YEATS2: variants seen among roughly 807,000 people sequenced by gnomAD.
YEATS2 encodes YEATS domain-containing protein 2.
A neutral mutation model predicts 163.2 loss-of-function variants in YEATS2; 77 were observed. The ratio of observed to expected loss-of-function variants is 0.47; its 90% CI spans 0.39 to 0.57. The LOEUF is 0.57. Among genes scored for constraint, YEATS2 ranks in the 20% least tolerant of loss-of-function variants. The pLI, the probability that YEATS2 is intolerant of heterozygous loss-of-function variation, is 0.00. For synonymous variants in YEATS2, 631 were observed against 645.1 expected (o/e 0.98, Z 0.33); for missense variants, 1,549 against 1,729.8 (o/e 0.90, Z 1.85).
At chr3:183,752,293 C>T (rs1169330870) in intron 10 of YEATS2, 40 bp downstream of exon 10, 5 of 1,609,248 alleles carry the variant, frequency 3.1e-6, no homozygotes, top group Non-Finnish European at 4.3e-6. Context: ...TGTTCTGAGG[C>T]ATTCCTTTCC....
At chr3:183,702,810 G>A (rs1186146728) in intron 1 of YEATS2, among the ~76,000 whole-genome samples, 1 of 150,934 alleles carries the variant, frequency 6.6e-6, no homozygotes, top group Non-Finnish European at 1.5e-5. Flanking sequence ...CTCCATCCTG[G>A]GCGACAGCAA....
At chr3:183,784,774 C>T (rs1246055890) in intron 19 of YEATS2, among the ~76,000 whole-genome samples, 1 of 148,258 alleles carries the variant, frequency 6.7e-6, no homozygotes, top group African/African-American at 2.5e-5. Context: ...ATACTCTTGC[C>T]ATTAAAAAAA....
In YEATS2 at chr3:183,775,955, CGGAGGAGGA is replaced by C. The variant is rs146705467; in HGVS notation, c.2430_2438del (p.Gly812_Gly814del). ...CAGCTGCCAGTGGTGGGAGTGGTGC[CGGAGGAGGA>C]GGAGGAGGAGGAGGAGGAGGCGGCA... On this transcript the variant is annotated inframe_deletion, in exon 18 of 31. Transcript: ENST00000305135. 1.6e-4 allele frequency: 256 copies of C among 1,581,896 alleles called. No homozygotes were observed. The highest frequency in any genetic ancestry group is 1.0e-3 in the Middle Eastern group (5 of 5,000).
chr3:183,754,407 G>T (rs535626994), intron 11 of YEATS2, 42 bp downstream of exon 11: 2 of 1,548,962 alleles, frequency 1.3e-6, no homozygotes, highest in African/African-American at 1.4e-5. Flanking sequence ...GAGTTGACTG[G>T]ATGTTAAAAT....
In YEATS2 at chr3:183,759,351, A is replaced by G. The variant is rs553142300; in HGVS notation, c.1656+386A>G. ...CATAGTGTCACAAATGCTTCACAAC[A>G]CTTGTGTGAAATAGTCACCCAGTAT... is the stretch of plus-strand genomic sequence containing the variant. On this transcript the variant is annotated intron_variant, in intron 13 of 30. Transcript: ENST00000305135. Among the ~76,000 whole-genome samples, 21 of 152,316 alleles carry G rather than the reference A, an allele frequency of 1.4e-4. No homozygotes were observed. The East Asian group carries it at 3.7e-3, about 27-fold the overall frequency.
At chr3:183,801,114 A>G (rs1725627312) in intron 24 of YEATS2, 1 of 190,824 alleles carries the variant, frequency 5.2e-6, no homozygotes, top group African/African-American at 2.3e-5. Flanking sequence ...GTGAACTGTA[A>G]TAACCCTAAG....
At chr3:183,775,185 CAGGG>C (rs1164654652) in intron 17 of YEATS2, among the ~76,000 whole-genome samples, 1 of 152,174 alleles carries the variant, frequency 6.6e-6, no homozygotes, top group Non-Finnish European at 1.5e-5. Flanking sequence ...TTTCCTGAGA[CAGGG>C]AGACAACATC....
chr3:183,721,847 T>C, intron 4 of YEATS2, 44 bp from the exon 5 acceptor site: 1 of 1,602,950 alleles, frequency 6.2e-7, no homozygotes, highest in Non-Finnish European at 8.5e-7. Flanking sequence ...CTGCTTTTGA[T>C]GGATTTGATT....
In YEATS2 at chr3:183,773,866, G is replaced by A; in HGVS notation, c.2368+72G>A. ...GTGTGTTCATCTTGTCCATCTGAGG[G>A]CAGTTCTTACCTGTTTCAGGAAGCA... On this transcript the variant is annotated intron_variant, in intron 17 of 30. Coordinates refer to ENST00000305135, the MANE Select transcript of YEATS2 (RefSeq NM_018023.5). The A allele has an allele frequency of 4.0e-6, 6 of 1,498,312 alleles. 1 individual carries two copies. The African/African-American group carries it at 7.1e-5, about 18-fold the overall frequency. 92.8% of individuals were successfully genotyped at this position (1,498,312 alleles called of 1,614,324 possible).
chr3:183,769,108 C>CT (rs568570588), intron 15 of YEATS2, among the ~76,000 whole-genome samples: 34 of 152,160 alleles, frequency 2.2e-4, no homozygotes, highest in Non-Finnish European at 4.3e-4. Context: ...TATTCTGTTT[C>CT]TTCTTTTCTT....
At chr3:183,729,837 G>T (rs753515556) in intron 7 of YEATS2, among the ~76,000 whole-genome samples, 9 of 151,654 alleles carry the variant, frequency 5.9e-5, no homozygotes, top group Non-Finnish European at 1.2e-4. Flanking sequence ...ACAGGTGCCC[G>T]CCACCACACC....
At chr3:183,757,807 GATTGTA>G (rs1417101669) in intron 12 of YEATS2, among the ~76,000 whole-genome samples, 6 of 149,922 alleles carry the variant, frequency 4.0e-5, no homozygotes, top group African/African-American at 1.5e-4. Context: ...TTTTAATAGT[GATTGTA>G]ATTGTGGAAT....
At chr3:183,798,073 C>A in intron 22 of YEATS2, 22 bp downstream of exon 22, 1 of 1,612,080 alleles carries the variant, frequency 6.2e-7, no homozygotes, top group South Asian at 1.1e-5. Context: ...GCCCACGGGT[C>A]GTCTGTGCTG....
At chr3:183,703,448 A>C (rs1240641544) in intron 1 of YEATS2, among the ~76,000 whole-genome samples, 1 of 152,144 alleles carries the variant, frequency 6.6e-6, no homozygotes, top group Non-Finnish European at 1.5e-5. Flanking sequence ...CTGTCCTTTA[A>C]TAGAGGTTGG....
intron 21 of YEATS2, among the ~76,000 whole-genome samples, chr3:183,791,691 T>C (rs1252051483): frequency 6.6e-6 from 1 of 152,244 alleles, no homozygotes; most frequent in East Asian, 1.9e-4. Context: ...TTATAAAGTA[T>C]ATAAAATATA....
chr3:183,701,751 A>G (rs1714116255), intron 1 of YEATS2, among the ~76,000 whole-genome samples: 1 of 152,152 alleles, frequency 6.6e-6, no homozygotes, highest in Non-Finnish European at 1.5e-5. Context: ...AAGTATATCC[A>G]CACTCTCAAA....
chr3:183,754,140 A>G lies in YEATS2; in HGVS notation c.1165A>G (p.Thr389Ala), dbSNP rs1292580876. Residue 389 changes from threonine to alanine, a missense_variant, in exon 11 of 31, where the codon ACT becomes GCT. Transcript: ENST00000305135. The stretch of plus-strand genomic sequence containing the variant: ...ATCTCAAGCAGGATTCCCAGCTAGC[A>G]CTGAAGCTGAACGACACACTCCGTT... ...TSVEKGFPAS[T>A]EAERHTPFYA... The G allele has an allele frequency of 6.3e-7, 1 of 1,581,726 alleles. No homozygotes were observed. The highest frequency in any genetic ancestry group is 8.6e-7 in the Non-Finnish European group (1 of 1,156,462).
intron 21 of YEATS2, among the ~76,000 whole-genome samples, chr3:183,794,371 T>A (rs1320891686): frequency 6.6e-6 from 1 of 152,220 alleles, no homozygotes; most frequent in Non-Finnish European, 1.5e-5. Flanking sequence ...AGAAATTACA[T>A]TATCATTGAG....
intron 8 of YEATS2, among the ~76,000 whole-genome samples, chr3:183,742,379 C>G (rs551767008): frequency 6.6e-6 from 1 of 152,138 alleles, no homozygotes; most frequent in African/African-American, 2.4e-5. Context: ...GAGAGGAGGT[C>G]AGAGTAGCAA....
Sources: allele counts gnomAD v4.1 joint callset (sites outside exome capture counted in the v4.1 genomes callset), GRCh38; gene constraint gnomAD v4.1.1; transcripts MANE v1.5; gene names NCBI Gene and HGNC (gene_info 2026-07-23, HGNC 2026-07-21).